Variants in CAND1 observed in about 807,000 individuals in gnomAD.
CAND1 encodes cullin-associated NEDD8-dissociated protein 1.
Under a neutral mutation model 108.5 loss-of-function variants are expected in CAND1, and 7 were observed. That is an observed-to-expected ratio of 0.06 (90% CI 0.04 to 0.12). CAND1 has a LOEUF of 0.12. Ranked by LOEUF, CAND1 falls within the 10% of genes least tolerant of loss-of-function variation. The pLI, the probability that CAND1 is intolerant of heterozygous loss-of-function variation, is 1.00. For synonymous variants in CAND1, 534 were observed against 512.0 expected (o/e 1.04, Z -0.58); for missense variants, 941 against 1,448.7 (o/e 0.65, Z 5.69).
chr12:67,299,165 C>T, intron 7 of CAND1, 70 bp downstream of exon 7: 1 of 1,358,054 alleles, frequency 7.4e-7, no homozygotes, highest in African/African-American at 1.5e-5. Flanking sequence ...GATTCTTAGT[C>T]CAAATTGTAC....
chr12:67,286,020 T>A, intron 2 of CAND1, among the ~76,000 whole-genome samples: 1 of 152,172 alleles, frequency 6.6e-6, no homozygotes, highest in Non-Finnish European at 1.5e-5. Flanking sequence ...TTATTATTGT[T>A]TTTTTGAGAC....
chr12:67,301,559 G>GT (rs2044825089), intron 7 of CAND1, among the ~76,000 whole-genome samples: 2 of 152,128 alleles, frequency 1.3e-5, no homozygotes, highest in South Asian at 4.1e-4. Flanking sequence ...TATCCATCAA[G>GT]TATAGATAAG....
Position 67,306,255 on chromosome 12 carries a change from G to A in CAND1, c.2587G>A (p.Glu863Lys). The change falls in exon 10 of 15, where the codon GAA (glutamate) becomes AAA (lysine). Residue 863 changes from glutamate (E) to lysine (K), a missense_variant. Around this residue, in one of 9 missense-constraint regions of CAND1, gnomAD observed 697 missense variants for 942.0 expected, o/e 0.74. Coordinates refer to ENST00000545606, the MANE Select transcript of CAND1 (RefSeq NM_018448.5). ...GTTGGAACTAAAATCTGTAATACTA[G>A]AAGCTTTCTCATCTCCTAGTGAAGA... ...GQLELKSVIL[E>K]AFSSPSEEVK... 6.2e-7 allele frequency: 1 copy of A among 1,614,100 alleles called. No homozygotes were observed. Among genetic ancestry groups the A allele is most frequent in the Non-Finnish European group, 8.5e-7 (1 of 1,179,988 alleles).
At chr12:67,282,573 G>T (rs2044629735) in intron 2 of CAND1, among the ~76,000 whole-genome samples, 1 of 151,768 alleles carries the variant, frequency 6.6e-6, no homozygotes, top group Non-Finnish European at 1.5e-5. Flanking sequence ...AAATTTTCTT[G>T]TAGAGACAAG....
chr12:67,305,208 C>T lies in CAND1; in HGVS notation c.1540C>T (p.His514Tyr). ...ILCNHSPQVF[H>Y]PHVQALVPPV... Reference sequence around the variant, plus strand: ...CTGTAACCATTCTCCTCAAGTCTTCCATCCTCACGTTCAGGCTTTGGTTCC... The same window carrying T: ...CTGTAACCATTCTCCTCAAGTCTTCTATCCTCACGTTCAGGCTTTGGTTCC... The change falls in exon 10 of 15, where the codon CAT becomes TAT. Residue 514 changes from histidine to tyrosine, a missense_variant. Coordinates refer to ENST00000545606, the MANE Select transcript of CAND1 (RefSeq NM_018448.5). The surrounding 1 kb of genome is among the most constrained non-coding windows in gnomAD (Gnocchi z 4.4). The T allele has an allele frequency of 1.2e-6, 2 of 1,614,150 alleles. No individual in the cohort carries two copies. The highest frequency in any genetic ancestry group is 1.7e-6 in the Non-Finnish European group (2 of 1,180,024).
At chr12:67,281,403 T>C (rs1321557024) in intron 1 of CAND1, among the ~76,000 whole-genome samples, 1 of 152,140 alleles carries the variant, frequency 6.6e-6, no homozygotes, top group Admixed American at 6.5e-5. Context: ...TCCAGTAATA[T>C]GTGATCATCC....
In CAND1 at chr12:67,295,059, A is replaced by G; in HGVS notation, c.394A>G (p.Lys132Glu). The change falls in exon 4 of 15, where the codon AAA becomes GAA. Residue 132 changes from lysine to glutamate, a missense_variant. By Grantham distance (56) the Lys-to-Glu change is moderately conservative. Coordinates refer to ENST00000545606, the MANE Select transcript of CAND1 (RefSeq NM_018448.5). ...CTCTGCATTAGCTGCTAATGTATGT[A>G]AAAAGATTACTGGACGTCTTACAAG... ...SGSALAANVCKKITGRLTSAI... is the reference protein window; with the variant it reads ...SGSALAANVCEKITGRLTSAI... 6.2e-7 allele frequency: 1 copy of G among 1,612,764 alleles called. No individual in the cohort carries two copies. The highest frequency in any genetic ancestry group is 1.1e-5 in the South Asian group (1 of 90,978).
chr12:67,270,606 C>CT (rs1385156653), intron 1 of CAND1: 1 of 152,230 alleles, frequency 6.6e-6, no homozygotes, highest in East Asian at 1.9e-4. Flanking sequence ...TACAGCAGTT[C>CT]TGTTCAGGAG....
intron 11 of CAND1, among the ~76,000 whole-genome samples, chr12:67,309,228 T>A (rs1423095350): frequency 2.6e-5 from 4 of 152,010 alleles, no homozygotes; most frequent in African/African-American, 9.7e-5. Context: ...ACTCCAAAGA[T>A]CTTTGCATTA....
intron 2 of CAND1, among the ~76,000 whole-genome samples, chr12:67,282,897 C>T (rs2044633535): frequency 6.6e-6 from 1 of 152,120 alleles, no homozygotes; most frequent in Non-Finnish European, 1.5e-5. Context: ...TCTTGCTATG[C>T]ATGATGTTGG....
intron 11 of CAND1, among the ~76,000 whole-genome samples, chr12:67,308,534 A>G (rs947581078): frequency 2.0e-5 from 3 of 152,112 alleles, no homozygotes; most frequent in African/African-American, 7.2e-5. Flanking sequence ...TTGTTGATAC[A>G]GTTACTCAGC....
chr12:67,269,806 T>C, intron 1 of CAND1, 21 bp downstream of exon 1: 1 of 1,593,232 alleles, frequency 6.3e-7, no homozygotes, highest in Non-Finnish European at 8.5e-7. Context: ...GATCCGACCC[T>C]CACCCCACCT....
intron 7 of CAND1, among the ~76,000 whole-genome samples, chr12:67,300,509 T>A (rs2136012575): frequency 6.6e-6 from 1 of 152,238 alleles, no homozygotes; most frequent in African/African-American, 2.4e-5. Context: ...CATCTCAGAA[T>A]GGTACCTCTA....
chr12:67,311,762 C>A lies in CAND1; in HGVS notation c.3430C>A (p.Arg1144=), dbSNP rs758063864. The part of the protein sequence containing the change: ...CPSAVLQRLD[R]LVEPLRATCT... The stretch of plus-strand genomic sequence containing the variant: ...AAGTGCAGTACTGCAGAGGTTGGAC[C>A]GACTTGTTGAGCCATTACGTGCAAC... The change falls in exon 14 of 15, where the codon CGA becomes AGA. Residue 1144 remains arginine (R), a synonymous_variant. Transcript: ENST00000545606. The A allele has an allele frequency of 3.2e-5, 51 of 1,611,364 alleles. No homozygotes were observed. Among genetic ancestry groups the A allele is most frequent in the Admixed American group, 1.0e-4 (6 of 59,974 alleles).
At chr12:67,309,077 C>T (rs931947340) in intron 11 of CAND1, among the ~76,000 whole-genome samples, 2 of 151,948 alleles carry the variant, frequency 1.3e-5, no homozygotes, top group Non-Finnish European at 2.9e-5. Context: ...ACAATATATG[C>T]GCCGTTTATT....
chr12:67,306,521 T>A lies in CAND1; in HGVS notation c.2853T>A (p.Val951=), dbSNP rs1463659897. 1 of 1,613,920 alleles carries A rather than the reference T, an allele frequency of 6.2e-7. No individual in the cohort carries two copies. The highest frequency in any genetic ancestry group is 1.7e-5 in the Admixed American group (1 of 60,002). Residue 951 remains valine, a synonymous_variant, in exon 10 of 15, where the codon GTT becomes GTA. Transcript: ENST00000545606. Reference sequence around the variant, plus strand: ...CAGAGGAAGGAACCAGAAATGTTGTTGCTGAATGTCTAGGAAAACTCACTC... The same window carrying A: ...CAGAGGAAGGAACCAGAAATGTTGTAGCTGAATGTCTAGGAAAACTCACTC... ...ECAEEGTRNV[V]AECLGKLTLI... is the part of the protein sequence containing the mutation.
rs141573571 is a variant in CAND1 at position 67,273,524 on chromosome 12, A to T, written c.68+3739A>T. Among the ~76,000 whole-genome samples the T allele has an allele frequency of 7.1e-3, 998 of 140,718 alleles. 6 individuals are homozygous for T. Among genetic ancestry groups the T allele is most frequent in the African/African-American group, 0.025 (948 of 37,826 alleles). 92.3% of individuals were successfully genotyped at this position (140,718 alleles called of 152,430 possible). ...GAGATAGGGTCTCGCTCTGTCACCC[A>T]CGCTGGAGTGCAGTGGCACCACCTC... is the stretch of plus-strand genomic sequence containing the variant. On this transcript the variant is annotated intron_variant, in intron 1 of 14. Transcript: ENST00000545606.
intron 1 of CAND1, chr12:67,270,281 A>C (rs993629374): frequency 6.4e-6 from 1 of 155,246 alleles, no homozygotes; most frequent in Admixed American, 6.5e-5. Flanking sequence ...GCCTTGCTGC[A>C]TTCAGGTGGA....
intron 1 of CAND1, among the ~76,000 whole-genome samples, chr12:67,271,273 T>C (rs908901958): frequency 6.6e-6 from 1 of 152,246 alleles, no homozygotes; most frequent in Non-Finnish European, 1.5e-5. Flanking sequence ...TGTGTTGTTT[T>C]ACGGATTGGA....
Sources: gnomAD v4.1 joint callset for allele counts (sites outside exome capture counted in the v4.1 genomes callset) on GRCh38, gnomAD v4.1.1 for gene constraint, gnomAD v4.1.1 regional missense constraint, Gnocchi (gnomAD v3.1) non-coding constraint, MANE v1.5 for transcripts, NCBI Gene and HGNC (gene_info 2026-07-23, HGNC 2026-07-21) for gene names.